Variants in EYS observed in about 807,000 individuals in gnomAD.
The protein encoded by EYS is EGF-like photoreceptor maintenance factor.
EYS carries 250 observed loss-of-function variants against 282.1 expected under a neutral mutation model. The observed-to-expected ratio is 0.89, with a 90% CI of 0.80 to 0.98. EYS has a LOEUF of 0.98. Among genes scored for constraint, EYS ranks in the 50% least tolerant of loss-of-function variants. EYS has a pLI of 0.00. For missense variants in EYS, 4,016 were observed against 3,709.0 expected, an observed-to-expected ratio of 1.08 and a Z score of -2.15; for synonymous variants, 1,355 against 1,282.9, an observed-to-expected ratio of 1.06 and a Z score of -1.20.
At chr6:64,497,173 A>C (rs930046434) in intron 26 of EYS, among the ~76,000 whole-genome samples, 9 of 152,134 alleles carry the variant, frequency 5.9e-5, no homozygotes, top group Non-Finnish European at 1.3e-4. Context: ...GGGAGCACAC[A>C]TTCTACAAAG....
intron 28 of EYS, among the ~76,000 whole-genome samples, chr6:64,404,378 AGAGTGTGTGTGTGTGTGTGT>A (rs200273971): frequency 0.036 from 5,096 of 142,796 alleles, 197 homozygotes; most frequent in African/African-American, 0.11. Context: ...ATAGAGTGTG[AGAGTGTGTGTGTGTGTGTGT>A]GTGTGTGTGT....
At chr6:65,036,279 G>A (rs1328502665) in intron 13 of EYS, among the ~76,000 whole-genome samples, 2 of 151,786 alleles carry the variant, frequency 1.3e-5, no homozygotes, top group African/African-American at 4.8e-5. Flanking sequence ...CTAGCTATAC[G>A]CAGAAGACTG....
At chr6:64,250,319 C>A (rs1361082833) in intron 30 of EYS, among the ~76,000 whole-genome samples, 1 of 152,138 alleles carries the variant, frequency 6.6e-6, no homozygotes, top group Non-Finnish European at 1.5e-5. Flanking sequence ...CATTCCTGCT[C>A]AGTTGGGTCA....
At chr6:64,422,180 T>G (rs1036086272) in intron 28 of EYS, among the ~76,000 whole-genome samples, 1 of 152,028 alleles carries the variant, frequency 6.6e-6, no homozygotes, top group African/African-American at 2.4e-5. Flanking sequence ...GACAGACAGA[T>G]AGACTTTTTT....
intron 33 of EYS, among the ~76,000 whole-genome samples, chr6:64,027,237 T>C (rs1562160363): frequency 6.6e-6 from 1 of 152,052 alleles, no homozygotes; most frequent in Non-Finnish European, 1.5e-5. Flanking sequence ...TAAGGAGAAT[T>C]AGAAAAAAGA....
chr6:65,425,186 G>A (rs1462408085), intron 5 of EYS, among the ~76,000 whole-genome samples: 1 of 151,964 alleles, frequency 6.6e-6, no homozygotes, highest in Admixed American at 6.6e-5. Flanking sequence ...TATTATTTTT[G>A]TATATGAATA....
intron 26 of EYS, among the ~76,000 whole-genome samples, chr6:64,480,749 T>A (rs773597591): frequency 3.0e-4 from 45 of 151,786 alleles, no homozygotes; most frequent in Admixed American, 1.2e-3. Context: ...TAAAATGAGG[T>A]TTGTCGCTTA....
chr6:64,505,080 T>A (rs1777169082), intron 26 of EYS, among the ~76,000 whole-genome samples: 1 of 152,220 alleles, frequency 6.6e-6, no homozygotes, highest in South Asian at 2.1e-4. Flanking sequence ...AATTACTATC[T>A]GTTGAGTCGA....
In EYS at chr6:64,329,323, T is replaced by A. The variant is rs1265558315; in HGVS notation, c.6079-22241A>T. 6.6e-5 allele frequency among the ~76,000 whole-genome samples: 10 copies of A among 152,198 alleles called. 1 individual carries two copies. The highest frequency in any genetic ancestry group is 1.3e-4 in the Non-Finnish European group (9 of 68,030). On this transcript the variant is annotated intron_variant, in intron 29 of 42. Transcript: ENST00000503581. ...TATTTGCCAAATTGTCTGGTGCCCT[T>A]GTTAGGAAGAGATTTGCTCCAGAAA...
chr6:64,036,545 T>A (rs1384798432), intron 33 of EYS, among the ~76,000 whole-genome samples: 1 of 152,198 alleles, frequency 6.6e-6, no homozygotes, highest in Non-Finnish European at 1.5e-5. Flanking sequence ...GGTTAGTGTT[T>A]AAGTAAGGAG....
chr6:65,664,031 C>T (rs939442423), intron 1 of EYS, among the ~76,000 whole-genome samples: 9 of 151,930 alleles, frequency 5.9e-5, no homozygotes, highest in Non-Finnish European at 7.4e-5. Flanking sequence ...CCACCACGCC[C>T]GGCTAATTTT....
chr6:65,498,267 T>C lies in EYS; in HGVS notation c.-332-2274A>G, dbSNP rs189398820. ...GAAAGTGAGGTTTTAGAGAAAGATATGAATCACTAGGCAATATTGAAATAC... is the reference window on the plus strand; with the variant it reads ...GAAAGTGAGGTTTTAGAGAAAGATACGAATCACTAGGCAATATTGAAATAC... On this transcript the variant is annotated intron_variant, in intron 2 of 42. Transcript: ENST00000503581. 6.0e-4 allele frequency among the ~76,000 whole-genome samples: 91 copies of C among 152,096 alleles called. 1 individual carries two copies. The highest frequency in any genetic ancestry group is 3.4e-3 in the Middle Eastern group (1 of 294).
At chr6:65,434,694 G>A (rs1395281801) in intron 5 of EYS, among the ~76,000 whole-genome samples, 2 of 151,884 alleles carry the variant, frequency 1.3e-5, no homozygotes, top group East Asian at 3.9e-4. Context: ...AGGCTGCATA[G>A]CGCCTAAAAT....
At chr6:64,961,323 T>G (rs964478468) in intron 14 of EYS, among the ~76,000 whole-genome samples, 7 of 152,162 alleles carry the variant, frequency 4.6e-5, no homozygotes, top group Admixed American at 1.3e-4. Flanking sequence ...GTCAGTGGTG[T>G]TGTATGTATC....
intron 13 of EYS, among the ~76,000 whole-genome samples, chr6:65,009,619 C>T (rs539602943): frequency 6.6e-6 from 1 of 152,270 alleles, no homozygotes; most frequent in East Asian, 1.9e-4. Flanking sequence ...TAGGCATTAG[C>T]CCAAGACTTG....
intron 12 of EYS, among the ~76,000 whole-genome samples, chr6:65,129,218 T>G (rs745651130): frequency 1.3e-5 from 2 of 151,948 alleles, no homozygotes; most frequent in Non-Finnish European, 2.9e-5. Flanking sequence ...ATAAATATCC[T>G]AGAAAGAAAC....
At chr6:64,703,431 T>TATA (rs1562144201) in intron 22 of EYS, among the ~76,000 whole-genome samples, 3 of 47,306 alleles carry the variant, frequency 6.3e-5, no homozygotes, top group African/African-American at 3.0e-4. Context: ...ATATATATAT[T>TATA]TTTTTTTTTT....
At chr6:65,337,318 G>A (rs1253312552) in intron 10 of EYS, among the ~76,000 whole-genome samples, 2 of 151,372 alleles carry the variant, frequency 1.3e-5, no homozygotes, top group Non-Finnish European at 3.0e-5. Context: ...CTCTGTGTCT[G>A]TATGTCTATG....
chr6:64,538,241 T>A (rs1257266784), intron 26 of EYS, among the ~76,000 whole-genome samples: 1 of 152,176 alleles, frequency 6.6e-6, no homozygotes, highest in African/African-American at 2.4e-5. Flanking sequence ...GGTTATCAAA[T>A]TTTTGTTTCC....
Sources: gnomAD v4.1 joint callset for allele counts (sites outside exome capture counted in the v4.1 genomes callset) on GRCh38, gnomAD v4.1.1 for gene constraint, MANE v1.5 for transcripts, NCBI Gene and HGNC (gene_info 2026-07-23, HGNC 2026-07-21) for gene names.